B3GALT1: variants seen among roughly 807,000 people sequenced by gnomAD.
B3GALT1 encodes UDP-Gal:betaGlcNAc beta 1,3-galactosyltransferase, polypeptide 1.
Under a neutral mutation model 23.2 loss-of-function variants are expected in B3GALT1, and 10 were observed. That is an observed-to-expected ratio of 0.43 (90% CI 0.27 to 0.73). B3GALT1 has a LOEUF of 0.73. Among genes scored for constraint, B3GALT1 ranks in the 30% least tolerant of loss-of-function variants. B3GALT1 has a pLI of 0.21. For synonymous variants in B3GALT1, 156 were observed against 141.5 expected, an observed-to-expected ratio of 1.10 and a Z score of -0.73; for missense variants, 299 against 405.4, an observed-to-expected ratio of 0.74 and a Z score of 2.25.
At chr2:167,357,807 T>C (rs1188159422) in intron 1 of B3GALT1, among the ~76,000 whole-genome samples, 4 of 152,334 alleles carry the variant, frequency 2.6e-5, no homozygotes, top group African/African-American at 9.6e-5. Context: ...GTTCATAGCT[T>C]TTTAATAAAA....
intron 1 of B3GALT1, among the ~76,000 whole-genome samples, chr2:167,453,498 G>T (rs1428246371): frequency 6.6e-6 from 1 of 152,120 alleles, no homozygotes; most frequent in Non-Finnish European, 1.5e-5. Context: ...TAATGCAAGA[G>T]CTCTAATATT....
At chr2:167,447,990 C>T (rs1699027411) in intron 1 of B3GALT1, among the ~76,000 whole-genome samples, 1 of 152,124 alleles carries the variant, frequency 6.6e-6, no homozygotes, top group Non-Finnish European at 1.5e-5. Flanking sequence ...ATCTTGGAAC[C>T]TCCTGTATCA....
At chr2:167,466,320 A>G (rs1437329520) in intron 1 of B3GALT1, among the ~76,000 whole-genome samples, 1 of 152,138 alleles carries the variant, frequency 6.6e-6, no homozygotes, top group African/African-American at 2.4e-5. Context: ...GAATATTTCA[A>G]GAAAGATGGT....
chr2:167,779,656 T>C (rs901770311), intron 3 of B3GALT1, among the ~76,000 whole-genome samples: 3 of 152,242 alleles, frequency 2.0e-5, no homozygotes, highest in African/African-American at 7.2e-5. Context: ...CACTAATTTG[T>C]AGGTACTGGT....
At chr2:167,764,004 A>G (rs1222301775) in intron 3 of B3GALT1, among the ~76,000 whole-genome samples, 2 of 152,220 alleles carry the variant, frequency 1.3e-5, no homozygotes, top group African/African-American at 2.4e-5. Flanking sequence ...GCTTAAAAGT[A>G]TGCAATATAT....
intron 3 of B3GALT1, among the ~76,000 whole-genome samples, chr2:167,779,521 C>A (rs529180316): frequency 8.5e-5 from 13 of 152,252 alleles, no homozygotes; most frequent in Admixed American, 3.3e-4. Context: ...ATGCGGTTAG[C>A]CCTGATCAAT....
intron 1 of B3GALT1, among the ~76,000 whole-genome samples, chr2:167,456,038 G>A (rs1399986520): frequency 6.6e-6 from 1 of 152,152 alleles, no homozygotes; most frequent in African/African-American, 2.4e-5. Context: ...CCCTGTATTA[G>A]TCTGTTCTGC....
intron 1 of B3GALT1, among the ~76,000 whole-genome samples, chr2:167,396,091 G>A (rs774919219): frequency 2.6e-5 from 4 of 152,184 alleles, no homozygotes; most frequent in Non-Finnish European, 5.9e-5. Context: ...TAGTTTCCCT[G>A]CTGAGACAAA....
At chr2:167,855,103 A>G (rs1328730428) in intron 4 of B3GALT1, among the ~76,000 whole-genome samples, 1 of 152,198 alleles carries the variant, frequency 6.6e-6, no homozygotes, top group South Asian at 2.1e-4. Context: ...TTCATTTAAA[A>G]ATACTAGCAC....
intron 1 of B3GALT1, among the ~76,000 whole-genome samples, chr2:167,303,364 C>T (rs1696482698): frequency 6.6e-6 from 1 of 152,142 alleles, no homozygotes; most frequent in African/African-American, 2.4e-5. Flanking sequence ...TAGGTAACCA[C>T]TCCTACCAGT....
chr2:167,398,656 G>A (rs144173016), intron 1 of B3GALT1, among the ~76,000 whole-genome samples: 1 of 152,198 alleles, frequency 6.6e-6, no homozygotes, highest in African/African-American at 2.4e-5. Flanking sequence ...TACCCACCAA[G>A]GATATTTATG....
At chr2:167,868,085 G>A (rs192835507) in intron 4 of B3GALT1, among the ~76,000 whole-genome samples, 8 of 152,348 alleles carry the variant, frequency 5.3e-5, no homozygotes, top group East Asian at 1.9e-4. Context: ...AAGTGACACC[G>A]TTTAGATCAA....
At chr2:167,845,620 C>T (rs1171414733) in intron 4 of B3GALT1, among the ~76,000 whole-genome samples, 1 of 152,154 alleles carries the variant, frequency 6.6e-6, no homozygotes, top group African/African-American at 2.4e-5. Context: ...CTAGATCTTC[C>T]CTCTGACAGA....
chr2:167,856,495 C>T (rs1389619284), intron 4 of B3GALT1, among the ~76,000 whole-genome samples: 1 of 152,012 alleles, frequency 6.6e-6, no homozygotes, highest in East Asian at 1.9e-4. Context: ...GGTTTGGAGG[C>T]TGCAAAAAGC....
chr2:167,414,236 T>C (rs969669582), intron 1 of B3GALT1, among the ~76,000 whole-genome samples: 4 of 152,124 alleles, frequency 2.6e-5, no homozygotes, highest in Admixed American at 6.6e-5. Flanking sequence ...ACTATTAGTG[T>C]CTTTACTTCC....
chr2:167,760,453 G>A (rs1427222605), intron 3 of B3GALT1, among the ~76,000 whole-genome samples: 1 of 152,046 alleles, frequency 6.6e-6, no homozygotes, highest in Non-Finnish European at 1.5e-5. Context: ...AGCAGCAATC[G>A]TCCTCTGTAA....
chr2:167,434,428 A>T (rs1344554063), intron 1 of B3GALT1, among the ~76,000 whole-genome samples: 1 of 149,762 alleles, frequency 6.7e-6, no homozygotes, highest in Non-Finnish European at 1.5e-5. Context: ...ATCTCTGCCC[A>T]CTCTCCCACC....
chr2:167,578,610 G>T (rs1036529578), intron 2 of B3GALT1, among the ~76,000 whole-genome samples: 1 of 151,822 alleles, frequency 6.6e-6, no homozygotes, highest in East Asian at 1.9e-4. Context: ...ATTTTCATCA[G>T]AGACCAAAGC....
intron 3 of B3GALT1, among the ~76,000 whole-genome samples, chr2:167,661,436 C>T (rs1485623689): frequency 1.3e-5 from 2 of 152,014 alleles, no homozygotes; most frequent in African/African-American, 4.8e-5. Context: ...AAAATTCTGC[C>T]TGCTTAGAAT....
Sources: allele counts gnomAD v4.1 joint callset (sites outside exome capture counted in the v4.1 genomes callset), GRCh38; gene constraint gnomAD v4.1.1; transcripts MANE v1.5; gene names NCBI Gene and HGNC (gene_info 2026-07-23, HGNC 2026-07-21).